Variants in PCMTD1 observed in about 807,000 individuals in gnomAD.
PCMTD1 encodes protein-L-isoaspartate O-methyltransferase domain-containing protein 1.
In PCMTD1, 12 loss-of-function variants were observed where a neutral mutation model predicts 37.6. That is an observed-to-expected ratio of 0.32 (90% confidence interval 0.20 to 0.52). PCMTD1 has a LOEUF of 0.52. Ranked by LOEUF, PCMTD1 falls within the 20% of genes least tolerant of loss-of-function variation. The probability of loss-of-function intolerance (pLI) is 0.97; values close to 1 mark genes in which losing one functional copy is unlikely to be tolerated. For missense variants in PCMTD1, 235 were observed against 421.3 expected (o/e 0.56, Z 3.87); for synonymous variants, 117 against 135.8 (o/e 0.86, Z 0.96).
chr8:51,834,745 CCATT>C (rs1381539026), intron 3 of PCMTD1, among the ~76,000 whole-genome samples: 1 of 152,122 alleles, frequency 6.6e-6, no homozygotes, highest in Non-Finnish European at 1.5e-5. Context: ...CAATAAGTTT[CCATT>C]CAGAGTCACT....
intron 1 of PCMTD1, among the ~76,000 whole-genome samples, chr8:51,882,802 T>A (rs2038809373): frequency 6.8e-6 from 1 of 147,518 alleles, no homozygotes; most frequent in African/African-American, 2.5e-5. Flanking sequence ...TACAATTTAG[T>A]TATGAATAGC....
At chr8:51,890,840 G>C (rs1317261254) in intron 1 of PCMTD1, among the ~76,000 whole-genome samples, 1 of 152,160 alleles carries the variant, frequency 6.6e-6, no homozygotes, top group Non-Finnish European at 1.5e-5. Context: ...ATCCAGGTCA[G>C]AGAAAATGCA....
chr8:51,864,205 A>C (rs2038516926), intron 1 of PCMTD1, among the ~76,000 whole-genome samples: 1 of 152,196 alleles, frequency 6.6e-6, no homozygotes, highest in African/African-American at 2.4e-5. Flanking sequence ...TGTTTAAGAG[A>C]ACAGAACAAT....
At chr8:51,838,659 T>C (rs1467183946) in intron 3 of PCMTD1, among the ~76,000 whole-genome samples, 2 of 152,162 alleles carry the variant, frequency 1.3e-5, no homozygotes, top group Non-Finnish European at 2.9e-5. Flanking sequence ...AATAAACATT[T>C]TTCCTCCTTA....
At chr8:51,829,196 C>T (rs2037964618) in intron 5 of PCMTD1, among the ~76,000 whole-genome samples, 1 of 152,084 alleles carries the variant, frequency 6.6e-6, no homozygotes, top group Non-Finnish European at 1.5e-5. Flanking sequence ...AAAAAGTGGT[C>T]AACAAATCTC....
chr8:51,853,544 T>C (rs954547733), intron 2 of PCMTD1, among the ~76,000 whole-genome samples: 8 of 152,152 alleles, frequency 5.3e-5, no homozygotes, highest in African/African-American at 7.2e-5. Flanking sequence ...AGTTATGTTC[T>C]AAAAAACATA....
intron 5 of PCMTD1, among the ~76,000 whole-genome samples, chr8:51,828,796 T>C (rs1281977624): frequency 3.9e-5 from 6 of 152,336 alleles, no homozygotes; most frequent in South Asian, 4.1e-4. Context: ...TCACTGATTC[T>C]GGTGCTAGAA....
chr8:51,878,147 T>C (rs1190224913), intron 1 of PCMTD1, among the ~76,000 whole-genome samples: 1 of 151,990 alleles, frequency 6.6e-6, no homozygotes, highest in Non-Finnish European at 1.5e-5. Flanking sequence ...AGCAAGCTTG[T>C]CCAACCCACA....
chr8:51,833,254 T>C (rs1193009862), intron 4 of PCMTD1, among the ~76,000 whole-genome samples: 1 of 152,182 alleles, frequency 6.6e-6, no homozygotes, highest in African/African-American at 2.4e-5. Flanking sequence ...AGGAAGCAGC[T>C]TGCTGAACAC....
At chr8:51,891,464 T>G (rs1203592257) in intron 1 of PCMTD1, among the ~76,000 whole-genome samples, 2 of 151,792 alleles carry the variant, frequency 1.3e-5, no homozygotes, top group East Asian at 1.9e-4. Flanking sequence ...GAGGTTGAGG[T>G]TGGATTGCTC....
chr8:51,885,729 C>T (rs1387328980), intron 1 of PCMTD1, among the ~76,000 whole-genome samples: 1 of 152,182 alleles, frequency 6.6e-6, no homozygotes, highest in Non-Finnish European at 1.5e-5. Context: ...CTAAATAAAT[C>T]ACATACTTTG....
intron 2 of PCMTD1, among the ~76,000 whole-genome samples, chr8:51,857,641 C>T (rs1409087419): frequency 6.6e-6 from 1 of 152,124 alleles, no homozygotes; most frequent in East Asian, 1.9e-4. Context: ...AGTACTAGAT[C>T]TTTACGAAAA....
chr8:51,858,753 C>T (rs1317931112), intron 2 of PCMTD1, among the ~76,000 whole-genome samples: 1 of 152,158 alleles, frequency 6.6e-6, no homozygotes, highest in African/African-American at 2.4e-5. Context: ...TTAGCAGGAT[C>T]ATACAAAGAT....
At chr8:51,878,900 G>A (rs2038752752) in intron 1 of PCMTD1, among the ~76,000 whole-genome samples, 1 of 152,162 alleles carries the variant, frequency 6.6e-6, no homozygotes, top group Non-Finnish European at 1.5e-5. Context: ...CAAGGTGTGA[G>A]GACTGCTTGA....
chr8:51,888,687 T>C (rs561686311), intron 1 of PCMTD1, among the ~76,000 whole-genome samples: 1 of 152,234 alleles, frequency 6.6e-6, no homozygotes, highest in Non-Finnish European at 1.5e-5. Context: ...TAGTCATTTT[T>C]ATCTAGCACC....
chr8:51,839,804 G>T (rs1321912228), intron 3 of PCMTD1, among the ~76,000 whole-genome samples: 1 of 152,084 alleles, frequency 6.6e-6, no homozygotes, highest in African/African-American at 2.4e-5. Context: ...ATCCTACCTT[G>T]TTCTCACACC....
At chr8:51,860,285 T>C (rs755789917) in intron 2 of PCMTD1, among the ~76,000 whole-genome samples, 1 of 152,250 alleles carries the variant, frequency 6.6e-6, no homozygotes, top group Non-Finnish European at 1.5e-5. Context: ...GTAAGCTCTT[T>C]GAGGGCAGAA....
chr8:51,843,872 T>C (rs537628479), intron 3 of PCMTD1, among the ~76,000 whole-genome samples: 2 of 152,286 alleles, frequency 1.3e-5, no homozygotes, highest in Admixed American at 1.3e-4. Flanking sequence ...TGTCTTCATG[T>C]ATTAATAGGT....
intron 2 of PCMTD1, among the ~76,000 whole-genome samples, chr8:51,846,417 G>GT (rs969425401): frequency 7.2e-5 from 11 of 152,294 alleles, no homozygotes; most frequent in African/African-American, 2.6e-4. Context: ...CCCGAGAGAT[G>GT]TTATTGGGCT....
Sources: gnomAD v4.1 joint callset for allele counts (sites outside exome capture counted in the v4.1 genomes callset) on GRCh38, gnomAD v4.1.1 for gene constraint, MANE v1.5 for transcripts, NCBI Gene and HGNC (gene_info 2026-07-23, HGNC 2026-07-21) for gene names.